Variants in TCTN2 observed in about 807,000 individuals in gnomAD.
The protein encoded by TCTN2 is tectonic family member 2.
In TCTN2, 66 loss-of-function variants were observed where a neutral mutation model predicts 83.4. The observed-to-expected ratio is 0.79, with a 90% CI of 0.65 to 0.97. TCTN2 has a LOEUF of 0.97. Among genes scored for constraint, TCTN2 ranks in the 50% least tolerant of loss-of-function variants. The pLI, the probability that TCTN2 is intolerant of heterozygous loss-of-function variation, is 0.00. For missense variants in TCTN2, 794 were observed against 858.1 expected, an observed-to-expected ratio of 0.93 and a Z score of 0.93; for synonymous variants, 301 against 326.7, an observed-to-expected ratio of 0.92 and a Z score of 0.85.
At chr12:123,701,750 A>G (rs1432936628) in intron 14 of TCTN2, among the ~76,000 whole-genome samples, 1 of 152,066 alleles carries the variant, frequency 6.6e-6, no homozygotes, top group Non-Finnish European at 1.5e-5. Flanking sequence ...CTCACAAAAA[A>G]AAAAAAAGGG....
intron 8 of TCTN2, among the ~76,000 whole-genome samples, chr12:123,691,504 T>C (rs956794997): frequency 1.3e-5 from 2 of 152,370 alleles, no homozygotes; most frequent in East Asian, 3.9e-4. Flanking sequence ...GGCTGAATCA[T>C]AGTCCATTGC....
At chr12:123,682,617 G>A (rs1301654608) in intron 5 of TCTN2, among the ~76,000 whole-genome samples, 1 of 152,016 alleles carries the variant, frequency 6.6e-6, no homozygotes, top group African/African-American at 2.4e-5. Context: ...GAGTAGCTGG[G>A]ATTACAGGTG....
chr12:123,675,902 A>G (rs1955814540), intron 4 of TCTN2, among the ~76,000 whole-genome samples: 1 of 152,152 alleles, frequency 6.6e-6, no homozygotes, highest in Non-Finnish European at 1.5e-5. Context: ...ACCGTATTCA[A>G]TGATGAAAAA....
At chr12:123,695,781 GTGT>G (rs1956100421) in intron 11 of TCTN2, 1 of 160,420 alleles carries the variant, frequency 6.2e-6, no homozygotes, top group Non-Finnish European at 1.4e-5. Context: ...GCCTCCCAAA[GTGT>G]TGTGATTACA....
intron 5 of TCTN2, among the ~76,000 whole-genome samples, chr12:123,686,104 G>A (rs1453784467): frequency 6.6e-6 from 1 of 151,604 alleles, no homozygotes; most frequent in Non-Finnish European, 1.5e-5. Flanking sequence ...ATGGAGTGCA[G>A]TGTGTGATCT....
chr12:123,700,740 A>C (rs1198092637), intron 14 of TCTN2, among the ~76,000 whole-genome samples: 1 of 152,208 alleles, frequency 6.6e-6, no homozygotes, highest in East Asian at 1.9e-4. Flanking sequence ...CGAGGCCAGG[A>C]GTTTAAGACC....
intron 7 of TCTN2, among the ~76,000 whole-genome samples, chr12:123,689,188 A>G (rs1386246181): frequency 1.3e-5 from 2 of 151,964 alleles, no homozygotes; most frequent in Non-Finnish European, 2.9e-5. Flanking sequence ...CAGCTTCCCA[A>G]GTAGCTGAGA....
rs1955979058 is a variant in TCTN2 at position 123,687,029 on chromosome 12, G to T, written c.758G>T (p.Gly253Val). The T allele has an allele frequency of 1.9e-6, 3 of 1,614,108 alleles. No individual in the cohort carries two copies. Among genetic ancestry groups the T allele is most frequent in the Admixed American group, 1.7e-5 (1 of 59,994 alleles). The change falls in exon 6 of 18, where the codon GGT (glycine) becomes GTT (valine). Residue 253 changes from glycine to valine, a missense_variant. By Grantham distance (109) the Gly-to-Val change is moderately radical. Coordinates refer to ENST00000303372, the MANE Select transcript of TCTN2 (RefSeq NM_024809.5). ...CCCTTCCTTGGTTACTTCTATCATGGTGCTGTGTAAGTGTCTGAGCAGCCG... is the reference window on the plus strand; with the variant it reads ...CCCTTCCTTGGTTACTTCTATCATGTTGCTGTGTAAGTGTCTGAGCAGCCG... ...NTPFLGYFYH[G>V]AVSPKQDSSF...
At chr12:123,673,356 T>A (rs542518657) in intron 3 of TCTN2, among the ~76,000 whole-genome samples, 1 of 152,206 alleles carries the variant, frequency 6.6e-6, no homozygotes, top group South Asian at 2.1e-4. Flanking sequence ...ATAAACTGAG[T>A]TTATTTATCA....
chr12:123,679,066 G>T, intron 4 of TCTN2, 123 bp from the exon 5 acceptor site: 1 of 817,892 alleles, frequency 1.2e-6, no homozygotes. Flanking sequence ...CAAAATGCTG[G>T]GATTACAGGC....
At chr12:123,703,370 C>G (rs1048708081) in intron 14 of TCTN2, among the ~76,000 whole-genome samples, 5 of 151,986 alleles carry the variant, frequency 3.3e-5, no homozygotes, top group Admixed American at 1.3e-4. Context: ...TTAGTAGAGA[C>G]AGGGTTTCAC....
chr12:123,680,143 C>G (rs1250949028), intron 5 of TCTN2, among the ~76,000 whole-genome samples: 1 of 151,648 alleles, frequency 6.6e-6, no homozygotes, highest in East Asian at 2.0e-4. Flanking sequence ...ACCTGAGGTC[C>G]GGAGTTTGAG....
intron 5 of TCTN2, among the ~76,000 whole-genome samples, chr12:123,679,770 C>T (rs565485502): frequency 0.014 from 1,805 of 124,588 alleles, 17 homozygotes; most frequent in Middle Eastern, 0.023. Context: ...GATGGAGTCT[C>T]GCTCTGTCGC....
chr12:123,691,253 G>T (rs965723597), intron 8 of TCTN2, among the ~76,000 whole-genome samples: 1 of 152,072 alleles, frequency 6.6e-6, no homozygotes, highest in African/African-American at 2.4e-5. Flanking sequence ...TCTAGTTCCA[G>T]AACGTTTCAT....
chr12:123,707,028 G>A lies in TCTN2; in HGVS notation c.1939G>A (p.Val647Met), dbSNP rs1312960373. The change falls in exon 17 of 18, where the codon GTG (valine) becomes ATG (methionine). Residue 647 changes from valine to methionine, a missense_variant. Coordinates refer to ENST00000303372, the MANE Select transcript of TCTN2 (RefSeq NM_024809.5). ...YTEYDCNRNEVCWPQLLYPWT... is the reference protein window; with the variant it reads ...YTEYDCNRNEMCWPQLLYPWT... Reference sequence around the variant, plus strand: ...AGAGTATGACTGCAACAGAAATGAGGTGTGTTGGCCGCAGCTTCTATATCC... The same window carrying A: ...AGAGTATGACTGCAACAGAAATGAGATGTGTTGGCCGCAGCTTCTATATCC... 1.2e-6 allele frequency: 2 copies of A among 1,613,752 alleles called. No homozygotes were observed. The highest frequency in any genetic ancestry group is 2.2e-5 in the East Asian group (1 of 44,890).
chr12:123,699,302 A>G (rs929911198), intron 13 of TCTN2, among the ~76,000 whole-genome samples: 3 of 151,756 alleles, frequency 2.0e-5, no homozygotes, highest in Non-Finnish European at 4.4e-5. Flanking sequence ...CTATAGGTGC[A>G]TACCACCATG....
In TCTN2 at chr12:123,707,827, T is replaced by C; in HGVS notation, c.*114T>C. Reference sequence around the variant, plus strand: ...CTTGGGTTCAAGCGATTCTCCTGCCTCAGCCTCCGGAGAACTGGGATTACA... The same window carrying C: ...CTTGGGTTCAAGCGATTCTCCTGCCCCAGCCTCCGGAGAACTGGGATTACA... On this transcript the variant is annotated 3_prime_UTR_variant, in exon 18 of 18. Transcript: ENST00000303372. The C allele has an allele frequency of 1.2e-6, 1 of 810,962 alleles. No homozygotes were observed. Among genetic ancestry groups the C allele is most frequent in the Non-Finnish European group, 2.1e-6 (1 of 472,106 alleles). 50.2% of individuals were successfully genotyped at this position (810,962 alleles called of 1,614,324 possible).
intron 13 of TCTN2, among the ~76,000 whole-genome samples, chr12:123,697,785 C>T (rs1018728867): frequency 4.0e-5 from 6 of 151,740 alleles, no homozygotes; most frequent in South Asian, 2.1e-4. Context: ...TAAGCCACCG[C>T]GCCTGGCCTC....
chr12:123,680,531 T>C (rs112861303), intron 5 of TCTN2, among the ~76,000 whole-genome samples: 11 of 147,556 alleles, frequency 7.5e-5, no homozygotes, highest in South Asian at 2.2e-4. Flanking sequence ...TTTTTTTTTT[T>C]TTTGAGACAG....
Sources: gnomAD v4.1 joint callset for allele counts (sites outside exome capture counted in the v4.1 genomes callset) on GRCh38, gnomAD v4.1.1 for gene constraint, MANE v1.5 for transcripts, NCBI Gene and HGNC (gene_info 2026-07-23, HGNC 2026-07-21) for gene names.